Variants in CRCP observed in about 807,000 individuals in gnomAD.
The protein encoded by CRCP is CGRP receptor component.
In CRCP, 18 loss-of-function variants were observed where a neutral mutation model predicts 18.5. The observed-to-expected ratio is 0.97, with a 90% confidence interval of 0.67 to 1.44. CRCP has a LOEUF of 1.44. CRCP is among the 40% of genes most tolerant of loss of function. CRCP has a pLI of 0.00. For synonymous variants in CRCP, 53 were observed against 62.9 expected, an observed-to-expected ratio of 0.84 and a Z score of 0.75; for missense variants, 130 against 176.4, an observed-to-expected ratio of 0.74 and a Z score of 1.49.
chr7:66,145,828 G>A (rs1788275678), intron 5 of CRCP, among the ~76,000 whole-genome samples: 1 of 152,200 alleles, frequency 6.6e-6, no homozygotes, highest in African/African-American at 2.4e-5. Context: ...AATTCAGCAT[G>A]TCTCTGGTGA....
chr7:66,146,446 TAAAA>T (rs34812276), intron 5 of CRCP, among the ~76,000 whole-genome samples: 14 of 144,950 alleles, frequency 9.7e-5, no homozygotes, highest in African/African-American at 3.0e-4. Flanking sequence ...ATTGCCAGTT[TAAAA>T]AAAAAAAAGA....
At chr7:66,123,115 C>T (rs1204849899) in intron 1 of CRCP, among the ~76,000 whole-genome samples, 3 of 151,842 alleles carry the variant, frequency 2.0e-5, no homozygotes, top group Non-Finnish European at 4.4e-5. Context: ...CCACTACGCC[C>T]GGCTAATTTT....
At chr7:66,116,869 G>A (rs557111844) in intron 1 of CRCP, among the ~76,000 whole-genome samples, 54 of 151,946 alleles carry the variant, frequency 3.6e-4, no homozygotes, top group Non-Finnish European at 6.6e-4. Context: ...GCCTATAATC[G>A]CAGCACTTTA....
In CRCP at chr7:66,114,880, G is replaced by A; in HGVS notation, c.-83G>A. On this transcript the variant is annotated 5_prime_UTR_variant, in exon 1 of 6. Transcript: ENST00000395326. ...CCTTGGCGCGCGGAGCTGGCACCTT[G>A]GCGCTGTTGGTGGCGGCGGAGACAG... is the stretch of plus-strand genomic sequence containing the variant. The A allele has an allele frequency of 6.2e-7, 1 of 1,608,642 alleles. No individual in the cohort carries two copies. The highest frequency in any genetic ancestry group is 8.5e-7 in the Non-Finnish European group (1 of 1,175,742).
intron 4 of CRCP, among the ~76,000 whole-genome samples, chr7:66,140,971 G>T (rs1788119176): frequency 6.6e-6 from 1 of 152,190 alleles, no homozygotes; most frequent in African/African-American, 2.4e-5. Context: ...AAGGAGGATT[G>T]ATCTTAGCTC....
chr7:66,142,101 G>A (rs1788158681), intron 4 of CRCP, among the ~76,000 whole-genome samples: 1 of 152,106 alleles, frequency 6.6e-6, no homozygotes, highest in South Asian at 2.1e-4. Flanking sequence ...TTCACGTGGA[G>A]ACCTCTCAGA....
At position 66,114,973 on chromosome 7, in the gene CRCP, A is replaced by G; in HGVS notation, c.8+3A>G. Reference sequence around the variant, plus strand: ...ACGAGGCGGGACGTCATGGAAGTGTAAGTCTTCTCGGGCGCGTCCCTTTTC... The same window carrying G: ...ACGAGGCGGGACGTCATGGAAGTGTGAGTCTTCTCGGGCGCGTCCCTTTTC... On this transcript the variant is annotated splice_donor_region_variant and intron_variant, in intron 1 of 5. Transcript: ENST00000395326. 6.2e-7 allele frequency: 1 copy of G among 1,609,890 alleles called. No homozygotes were observed. Among genetic ancestry groups the G allele is most frequent in the Non-Finnish European group, 8.5e-7 (1 of 1,176,764 alleles).
chr7:66,126,139 G>A (rs1418819925), intron 1 of CRCP, among the ~76,000 whole-genome samples: 4 of 149,374 alleles, frequency 2.7e-5, no homozygotes. Flanking sequence ...TGAATCACTG[G>A]TAGCATTTGG....
At chr7:66,144,118 T>C (rs1788219571) in intron 4 of CRCP, among the ~76,000 whole-genome samples, 3 of 152,332 alleles carry the variant, frequency 2.0e-5, no homozygotes, top group South Asian at 2.1e-4. Flanking sequence ...TAGAAGTTGT[T>C]GCCTGCACAG....
rs1478259886 is a variant in CRCP at position 66,154,151 on chromosome 7, T to C, written c.*1794T>C. 1 of 151,780 alleles carries C rather than the reference T, an allele frequency of 6.6e-6. No individual in the cohort carries two copies. Among genetic ancestry groups the C allele is most frequent in the Non-Finnish European group, 1.5e-5 (1 of 68,004 alleles). The allele number at this position is 151,780 out of a possible 1,614,324, so 9.4% of individuals were successfully genotyped here. A position where few individuals can be genotyped will look rare whatever the true frequency, so the allele number is the denominator to read the frequency against. ...GTTGATTTATTTCTCAGGGCATACA[T>C]GTGCCAATCTGTCTCATTGTTGTCT... On this transcript the variant is annotated 3_prime_UTR_variant, in exon 6 of 6. Coordinates refer to ENST00000395326, the MANE Select transcript of CRCP (RefSeq NM_014478.5).
At chr7:66,131,604 A>G (rs574829904) in intron 3 of CRCP, among the ~76,000 whole-genome samples, 1 of 151,798 alleles carries the variant, frequency 6.6e-6, no homozygotes, top group South Asian at 2.1e-4. Context: ...TAAGGCTATT[A>G]TTTTTCAAGT....
intron 3 of CRCP, 65 bp from the exon 4 acceptor site, chr7:66,134,215 G>A: frequency 1.6e-6 from 2 of 1,247,676 alleles, no homozygotes; most frequent in Non-Finnish European, 1.1e-6. Flanking sequence ...CATTGCCTTT[G>A]TTTTTTCTCA....
chr7:66,121,034 C>CATA (rs10607378), intron 1 of CRCP, among the ~76,000 whole-genome samples: 14,982 of 145,244 alleles, frequency 0.1, 887 homozygotes, highest in South Asian at 0.19. Flanking sequence ...GTAACTAATA[C>CATA]ATAATAATAA....
At chr7:66,127,303 G>A (rs150100438) in intron 1 of CRCP, among the ~76,000 whole-genome samples, 2,977 of 152,328 alleles carry the variant, frequency 0.02, 45 homozygotes, top group Middle Eastern at 0.041. Context: ...TTGAGTTGAC[G>A]TAGGTGGTGA....
At chr7:66,129,629 A>G (rs1479767909) in intron 2 of CRCP, among the ~76,000 whole-genome samples, 3 of 138,576 alleles carry the variant, frequency 2.2e-5, no homozygotes, top group African/African-American at 8.2e-5. Flanking sequence ...TTTCCTCTCT[A>G]AAGGCTCAGT....
chr7:66,145,590 T>A lies in CRCP; in HGVS notation c.297+90T>A, dbSNP rs563708021. 14 of 1,364,128 alleles carry A rather than the reference T, an allele frequency of 1.0e-5. 1 individual carries two copies. In the East Asian group the frequency reaches 1.6e-4, roughly 16 times the overall value. 84.5% of individuals were successfully genotyped at this position (1,364,128 alleles called of 1,614,324 possible). On this transcript the variant is annotated intron_variant, in intron 5 of 5. Coordinates refer to ENST00000395326, the MANE Select transcript of CRCP (RefSeq NM_014478.5). ...GACAAGCCAGGAACTGCGTTTTTTT[T>A]AAGAGGCTGCCCAACCACTCCATTT...
chr7:66,142,078 C>A (rs1276116565), intron 4 of CRCP, among the ~76,000 whole-genome samples: 1 of 152,054 alleles, frequency 6.6e-6, no homozygotes, highest in East Asian at 1.9e-4. Flanking sequence ...CTTTGCGATC[C>A]CTCTTCTCCC....
upstream of CRCP, chr7:66,114,841 G>A: frequency 6.3e-7 from 1 of 1,594,764 alleles, no homozygotes; most frequent in Non-Finnish European, 8.6e-7. Flanking sequence ...GCAGCGCGGC[G>A]ATCCCGGCGA....
intron 3 of CRCP, among the ~76,000 whole-genome samples, chr7:66,131,333 G>A (rs1244042800): frequency 1.3e-5 from 2 of 152,118 alleles, no homozygotes; most frequent in South Asian, 2.1e-4. Flanking sequence ...CAAGTTTAGA[G>A]TTTAGCCAGC....
Sources: allele counts gnomAD v4.1 joint callset (sites outside exome capture counted in the v4.1 genomes callset), GRCh38; gene constraint gnomAD v4.1.1; transcripts MANE v1.5; gene names NCBI Gene and HGNC (gene_info 2026-07-23, HGNC 2026-07-21).